ANXA6: variants seen among roughly 807,000 people sequenced by gnomAD.
The protein encoded by ANXA6 is 67 kDa calelectrin.
ANXA6 carries 71 observed loss-of-function variants against 95.4 expected under a neutral mutation model. That is an observed-to-expected ratio of 0.74 (90% CI 0.61 to 0.91). The LOEUF (loss-of-function observed/expected upper bound fraction) is 0.91. Ranked by LOEUF, ANXA6 falls within the 40% of genes least tolerant of loss-of-function variation. The probability of loss-of-function intolerance (pLI) is 0.00; values close to 1 mark genes in which losing one functional copy is unlikely to be tolerated. For synonymous variants in ANXA6, 289 were observed against 315.9 expected, an observed-to-expected ratio of 0.91 and a Z score of 0.90; for missense variants, 830 against 876.4, an observed-to-expected ratio of 0.95 and a Z score of 0.67.
rs150654386 is a variant in ANXA6 at position 151,117,834 on chromosome 5, T to C, written c.1442A>G (p.Tyr481Cys). Residue 481 changes from tyrosine (Y) to cysteine (C), a missense_variant, in exon 19 of 26, where the codon TAT becomes TGT. Tyr to Cys is a radical substitution (Grantham distance 194). Transcript: ENST00000354546. ...CAGAGCATCCTCCAGGGACTTGTGA[T>C]AGTCTGAGGCAGAGAAAGGGGGTGT... ...RAINEAYKED[Y>C]HKSLEDALSS... 1,052 of 1,613,268 alleles carry C rather than the reference T, an allele frequency of 6.5e-4. 7 individuals carry two copies. The African/African-American group carries it at 7.1e-3, about 11-fold the overall frequency.
In ANXA6 at chr5:151,139,382, A is replaced by AGACCTCCTGCCTCTGCCT; in HGVS notation, c.157_174dup (p.Arg53_Val58dup). 1 of 1,613,008 alleles carries AGACCTCCTGCCTCTGCCT rather than the reference A, an allele frequency of 6.2e-7. No individual in the cohort carries two copies. The highest frequency in any genetic ancestry group is 8.5e-7 in the Non-Finnish European group (1 of 1,179,326). On this transcript the variant is annotated inframe_insertion, in exon 4 of 26. Coordinates refer to ENST00000354546, the MANE Select transcript of ANXA6 (RefSeq NM_001155.5). ...CCGTAGAGGGACTTGTAGCTCTGGC[A>AGACCTCCTGCCTCTGCCT]GACCTCCTGCCTCTGCCTGTTGCTC... is the stretch of plus-strand genomic sequence containing the variant.
intron 14 of ANXA6, among the ~76,000 whole-genome samples, chr5:151,124,579 T>TAGAGAGAG (rs1267583557): frequency 7.9e-5 from 12 of 151,422 alleles, no homozygotes; most frequent in African/African-American, 2.7e-4. Context: ...CAGAAAGATA[T>TAGAGAGAG]AGAGAGAGGG....
intron 22 of ANXA6, 120 bp from the exon 23 acceptor site, chr5:151,108,670 A>G (rs1764766392): frequency 2.4e-6 from 2 of 820,652 alleles, no homozygotes; most frequent in Admixed American, 1.9e-5. Context: ...AAGGGCAGCA[A>G]ATATGGCCAC....
intron 13 of ANXA6, 59 bp from the exon 14 acceptor site, chr5:151,126,539 C>T: frequency 2.8e-6 from 3 of 1,059,928 alleles, no homozygotes; most frequent in Admixed American, 4.3e-5. Context: ...GCAACACTCA[C>T]ACCAACACAC....
At chr5:151,135,915 G>A (rs1366527439) in intron 7 of ANXA6, among the ~76,000 whole-genome samples, 1 of 152,170 alleles carries the variant, frequency 6.6e-6, no homozygotes, top group Non-Finnish European at 1.5e-5. Flanking sequence ...TTGGGCGGGC[G>A]GTGAGGAGGC....
rs1765604404 is a variant in ANXA6 at position 151,134,531 on chromosome 5, G to A, written c.490-48C>T. 4 of 1,603,482 alleles carry A rather than the reference G, an allele frequency of 2.5e-6. No homozygotes were observed. The African/African-American group carries it at 4.0e-5, about 16-fold the overall frequency. ...TGTGTTTCAAACACTGCAAAGTCAG[G>A]AGGGAGGCCTGGATGCCAGTGGTGG... On this transcript the variant is annotated intron_variant, in intron 7 of 25. Transcript: ENST00000354546.
rs1422024074 is a variant in ANXA6 at position 151,100,891 on chromosome 5, A to C, written c.*557T>G. ...GAGGGAAAGGGGCTGGCCTAAGGTCAGAAACAAGTGCATGGCAGATGCAGA... is the reference window on the plus strand; with the variant it reads ...GAGGGAAAGGGGCTGGCCTAAGGTCCGAAACAAGTGCATGGCAGATGCAGA... On this transcript the variant is annotated 3_prime_UTR_variant, in exon 26 of 26. Transcript: ENST00000354546. 4.4e-6 allele frequency: 2 copies of C among 456,282 alleles called. No individual in the cohort carries two copies. The highest frequency in any genetic ancestry group is 4.7e-5 in the Admixed American group (2 of 42,564). 28.3% of individuals were successfully genotyped at this position (456,282 alleles called of 1,614,324 possible).
chr5:151,101,144 T>C lies in ANXA6; in HGVS notation c.*304A>G. 1.8e-6 allele frequency: 1 copy of C among 560,830 alleles called. No homozygotes were observed. Among genetic ancestry groups the C allele is most frequent in the East Asian group, 3.5e-5 (1 of 28,906 alleles). The allele number at this position is 560,830 out of a possible 1,614,324, so 34.7% of individuals were successfully genotyped here. On this transcript the variant is annotated 3_prime_UTR_variant, in exon 26 of 26. Coordinates refer to ENST00000354546, the MANE Select transcript of ANXA6 (RefSeq NM_001155.5). ...GTTCAGGATGTTTTTGGATCTGACA[T>C]AGCCCAAACCAGGGCAGAGGCTGTA...
chr5:151,103,607 A>G lies in ANXA6; in HGVS notation c.1925T>C (p.Ile642Thr), dbSNP rs772981703. The change falls in exon 25 of 26, where the codon ATT becomes ACT. Residue 642 changes from isoleucine to threonine, a missense_variant. By Grantham distance (89) the Ile-to-Thr change is moderately conservative (BLOSUM62 -1). Coordinates refer to ENST00000354546, the MANE Select transcript of ANXA6 (RefSeq NM_001155.5). ...IDLLNIRREF[I>T]EKYDKSLHQA... ...GTGGAGAGACTTGTCATATTTCTCA[A>G]TGAATTCCCTCCGGATGTTGAGCAG... 16 of 1,612,432 alleles carry G rather than the reference A, an allele frequency of 9.9e-6. No homozygotes were observed. Among genetic ancestry groups the G allele is most frequent in the Middle Eastern group, 1.7e-4 (1 of 6,056 alleles).
intron 14 of ANXA6, among the ~76,000 whole-genome samples, chr5:151,125,366 G>T (rs1422692881): frequency 6.9e-6 from 1 of 144,292 alleles, no homozygotes; most frequent in Non-Finnish European, 1.5e-5. Context: ...AAAAAGGAAT[G>T]GATGAAATTA....
chr5:151,101,312 A>G lies in ANXA6; in HGVS notation c.*136T>C. 1.4e-6 allele frequency: 1 copy of G among 731,258 alleles called. No individual in the cohort carries two copies. The highest frequency in any genetic ancestry group is 2.4e-6 in the Non-Finnish European group (1 of 423,990). The allele number at this position is 731,258 out of a possible 1,614,324, so 45.3% of individuals were successfully genotyped here. A position where few individuals can be genotyped will look rare whatever the true frequency, so the allele number is the denominator to read the frequency against. ...GGGAGCGTTTCCTAAGCTCCACTGA[A>G]GATAAGAGCCCAACCCAACCCCTCC... is the stretch of plus-strand genomic sequence containing the variant. On this transcript the variant is annotated 3_prime_UTR_variant, in exon 26 of 26. Coordinates refer to ENST00000354546, the MANE Select transcript of ANXA6 (RefSeq NM_001155.5).
At position 151,139,095 on chromosome 5, in the gene ANXA6, CCA is replaced by C. The variant is rs1013804230; in HGVS notation, c.204+256_204+257del. The C allele has an allele frequency of 1.2e-5, 7 of 588,224 alleles. No individual in the cohort carries two copies. In the East Asian group the frequency reaches 1.4e-4, roughly 12 times the overall value. 36.4% of individuals were successfully genotyped at this position (588,224 alleles called of 1,614,324 possible). A position where few individuals can be genotyped will look rare whatever the true frequency, so the allele number is the denominator to read the frequency against. On this transcript the variant is annotated intron_variant, in intron 4 of 25. Coordinates refer to ENST00000354546, the MANE Select transcript of ANXA6 (RefSeq NM_001155.5). ...TGTATCTCTCTCACTATCTGGCAGT[CCA>C]CAGAGTTGACACCTCACCCATCTTA...
chr5:151,110,141 C>A (rs1280220531), intron 21 of ANXA6, among the ~76,000 whole-genome samples: 1 of 152,182 alleles, frequency 6.6e-6, no homozygotes, highest in Non-Finnish European at 1.5e-5. Flanking sequence ...CACATAGACT[C>A]TGAGCATAGC....
chr5:151,124,268 C>T lies in ANXA6; in HGVS notation c.1138+18G>A, dbSNP rs1489630400. The T allele has an allele frequency of 6.2e-7, 1 of 1,612,092 alleles. No individual in the cohort carries two copies. Among genetic ancestry groups the T allele is most frequent in the African/African-American group, 1.3e-5 (1 of 74,858 alleles). ...GCTGCCCTGGAGACCAACCCTGCTC[C>T]CTTCCCATCCCCCATACCGAGTCCC... On this transcript the variant is annotated intron_variant, in intron 15 of 25. Transcript: ENST00000354546.
chr5:151,140,400 G>A (rs528619700), intron 2 of ANXA6, 157 bp from the exon 3 acceptor site: 773 of 660,976 alleles, frequency 1.2e-3, no homozygotes, highest in Non-Finnish European at 1.8e-3. Context: ...CGGTGTGGAT[G>A]ACTTTCCCAT....
At chr5:151,114,608 C>T (rs1225496187) in intron 20 of ANXA6, among the ~76,000 whole-genome samples, 16 of 81,806 alleles carry the variant, frequency 2.0e-4, no homozygotes, top group Non-Finnish European at 2.6e-4. Flanking sequence ...AGCGAGACTC[C>T]GTCTTAAAAA....
chr5:151,126,346 G>A (rs2113922446), intron 14 of ANXA6, 56 bp downstream of exon 14: 2 of 1,477,866 alleles, frequency 1.4e-6, no homozygotes, highest in East Asian at 2.4e-5. Flanking sequence ...CAGCAGGAAG[G>A]TGCAAGCAGA....
chr5:151,138,616 GC>G (rs1561581801), intron 5 of ANXA6, 61 bp downstream of exon 5: 2 of 1,241,450 alleles, frequency 1.6e-6, no homozygotes, highest in Non-Finnish European at 2.3e-6. Flanking sequence ...TTTTGGAAGA[GC>G]CCAGAATCTT....
chr5:151,122,604 T>A (rs957859478), intron 16 of ANXA6, among the ~76,000 whole-genome samples: 4 of 152,178 alleles, frequency 2.6e-5, no homozygotes, highest in Non-Finnish European at 1.5e-5. Flanking sequence ...GCCAGCTCTG[T>A]CTGTGCAGAG....
Sources: gnomAD v4.1 joint callset for allele counts (sites outside exome capture counted in the v4.1 genomes callset) on GRCh38, gnomAD v4.1.1 for gene constraint, MANE v1.5 for transcripts, NCBI Gene and HGNC (gene_info 2026-07-23, HGNC 2026-07-21) for gene names.